AK5: variants seen among roughly 807,000 people sequenced by gnomAD.
The protein encoded by AK5 is adenylate kinase 5.
A neutral mutation model predicts 69.5 loss-of-function variants in AK5; 27 were observed. The ratio of observed to expected loss-of-function variants is 0.39; its 90% CI spans 0.29 to 0.54. AK5 has a LOEUF of 0.54. AK5 is among the 20% of genes least tolerant of loss of function. The probability of loss-of-function intolerance (pLI) is 0.71; values close to 1 mark genes in which losing one functional copy is unlikely to be tolerated. For missense variants in AK5, 531 were observed against 700.4 expected (o/e 0.76, Z 2.73); for synonymous variants, 260 against 244.4 (o/e 1.06, Z -0.60).
intron 8 of AK5, among the ~76,000 whole-genome samples, chr1:77,429,832 C>T (rs2647522): frequency 0.77 from 116,877 of 152,030 alleles, 45,070 homozygotes; most frequent in East Asian, 0.82. Context: ...CAGGAAAGAA[C>T]TGGGGAGAAG....
At chr1:77,344,358 A>G (rs1404058377) in intron 6 of AK5, among the ~76,000 whole-genome samples, 1 of 152,226 alleles carries the variant, frequency 6.6e-6, no homozygotes, top group Non-Finnish European at 1.5e-5. Context: ...GAACTTTCTC[A>G]GACATATTTA....
chr1:77,468,887 G>A (rs544242977), intron 8 of AK5, among the ~76,000 whole-genome samples: 23 of 152,254 alleles, frequency 1.5e-4, no homozygotes, highest in Admixed American at 2.6e-4. Flanking sequence ...AGTTCAACAC[G>A]TTTCCAGGAG....
At chr1:77,409,134 G>A (rs1649864763) in intron 6 of AK5, among the ~76,000 whole-genome samples, 1 of 152,122 alleles carries the variant, frequency 6.6e-6, no homozygotes, top group Admixed American at 6.5e-5. Flanking sequence ...TGGTATATAT[G>A]TACCACATTT....
intron 8 of AK5, among the ~76,000 whole-genome samples, chr1:77,418,977 G>A (rs575685636): frequency 9.0e-4 from 137 of 152,004 alleles, no homozygotes; most frequent in African/African-American, 1.3e-3. Flanking sequence ...ACGTTGTGCC[G>A]AGTTTCTTAT....
intron 8 of AK5, among the ~76,000 whole-genome samples, chr1:77,482,495 G>A (rs117291403): frequency 0.01 from 1,556 of 152,236 alleles, 35 homozygotes; most frequent in East Asian, 0.079. Context: ...TGTAGGGGCC[G>A]GGCACGGTGG....
At chr1:77,291,935 A>G (rs146231237) in intron 2 of AK5, among the ~76,000 whole-genome samples, 47 of 152,320 alleles carry the variant, frequency 3.1e-4, no homozygotes, top group African/African-American at 1.1e-3. Context: ...GGTGGCCTTT[A>G]AGGTAAAGTG....
chr1:77,531,233 A>C (rs887948949), intron 12 of AK5, among the ~76,000 whole-genome samples: 1 of 152,162 alleles, frequency 6.6e-6, no homozygotes, highest in East Asian at 1.9e-4. Flanking sequence ...TCATAAAGGC[A>C]GTGTGGACCC....
intron 12 of AK5, 53 bp downstream of exon 12, chr1:77,521,996 A>C (rs1255652393): frequency 1.1e-5 from 15 of 1,334,584 alleles, no homozygotes; most frequent in Non-Finnish European, 2.1e-6. Flanking sequence ...GACATCCTTG[A>C]GGTTGGGTGA....
intron 5 of AK5, among the ~76,000 whole-genome samples, chr1:77,319,049 A>T (rs1660388984): frequency 6.6e-6 from 1 of 152,156 alleles, no homozygotes; most frequent in Non-Finnish European, 1.5e-5. Context: ...GGCTGCTGGA[A>T]GTGGGTTCTG....
At chr1:77,452,523 A>G (rs998044167) in intron 8 of AK5, among the ~76,000 whole-genome samples, 18 of 152,230 alleles carry the variant, frequency 1.2e-4, no homozygotes, top group African/African-American at 4.3e-4. Flanking sequence ...ATGACTCATG[A>G]TGCAGAGTAT....
At chr1:77,374,472 A>G (rs17100478) in intron 6 of AK5, among the ~76,000 whole-genome samples, 2 of 113,664 alleles carry the variant, frequency 1.8e-5, no homozygotes, top group Non-Finnish European at 4.0e-5. Flanking sequence ...GGTCAGGTTT[A>G]GTAATACCCC....
chr1:77,481,728 G>A (rs1655262843), intron 8 of AK5, among the ~76,000 whole-genome samples: 1 of 152,166 alleles, frequency 6.6e-6, no homozygotes, highest in African/African-American at 2.4e-5. Flanking sequence ...ACCTCTGTGG[G>A]GAGCAGTTTG....
rs187786702 is a variant in AK5 at position 77,476,050 on chromosome 1, G to T, written c.1060-7267G>T. Among the ~76,000 whole-genome samples the T allele has an allele frequency of 5.3e-4, 80 of 152,204 alleles. 1 individual carries two copies. The highest frequency in any genetic ancestry group is 9.3e-4 in the Non-Finnish European group (63 of 68,008). On this transcript the variant is annotated intron_variant, in intron 8 of 13. Coordinates refer to ENST00000354567, the MANE Select transcript of AK5 (RefSeq NM_174858.3). ...GAGAAGAAAAATACCATTTCTCCTA[G>T]AGAACTAGGTCTGTTAAAGCAGTTT... is the stretch of plus-strand genomic sequence containing the variant.
At chr1:77,497,106 A>G (rs1337868568) in intron 10 of AK5, among the ~76,000 whole-genome samples, 1 of 152,196 alleles carries the variant, frequency 6.6e-6, no homozygotes, top group Middle Eastern at 3.2e-3. Context: ...TGCCTTTATG[A>G]GCTGTAACAC....
chr1:77,454,631 T>C (rs1653361627), intron 8 of AK5, among the ~76,000 whole-genome samples: 1 of 152,238 alleles, frequency 6.6e-6, no homozygotes, highest in Non-Finnish European at 1.5e-5. Flanking sequence ...AGGAAATTAA[T>C]GTTTATCACC....
chr1:77,305,040 GA>G (rs938987372), intron 5 of AK5, among the ~76,000 whole-genome samples: 20 of 152,272 alleles, frequency 1.3e-4, no homozygotes, highest in African/African-American at 4.8e-4. Flanking sequence ...TAACTGGGGT[GA>G]GATGATATCT....
chr1:77,457,082 C>T (rs1378530771), intron 8 of AK5, among the ~76,000 whole-genome samples: 1 of 152,180 alleles, frequency 6.6e-6, no homozygotes, highest in East Asian at 1.9e-4. Context: ...TGTCTTCTGC[C>T]TTGCCATATT....
intron 12 of AK5, chr1:77,532,218 G>T: frequency 6.4e-6 from 1 of 155,302 alleles, no homozygotes; most frequent in Non-Finnish European, 1.4e-5. Flanking sequence ...GGCCAGAGTG[G>T]GCGCCAAGGC....
rs561746405 is a variant in AK5, at chr1:77,348,139, A to T, written c.891+7571A>T. 9.4e-4 allele frequency among the ~76,000 whole-genome samples: 143 copies of T among 151,556 alleles called. 1 individual carries two copies. In the South Asian group the frequency reaches 0.014, roughly 14 times the overall value. On this transcript the variant is annotated intron_variant, in intron 6 of 13. Coordinates refer to ENST00000354567, the MANE Select transcript of AK5 (RefSeq NM_174858.3). ...AAAATATTTTTCTGTTGATTTTATT[A>T]TTACCGACACTCATAAAACAGAGTC...
Sources: gnomAD v4.1 joint callset for allele counts (sites outside exome capture counted in the v4.1 genomes callset) on GRCh38, gnomAD v4.1.1 for gene constraint, MANE v1.5 for transcripts, NCBI Gene and HGNC (gene_info 2026-07-23, HGNC 2026-07-21) for gene names.